The following KIAA1671 variants were observed in gnomAD, a reference collection of about 807,000 sequenced individuals.
The protein encoded by KIAA1671 is KIAA1671, also known as uncharacterized protein KIAA1671.
In KIAA1671, 52 loss-of-function variants were observed where a neutral mutation model predicts 131.2. The ratio of observed to expected loss-of-function variants is 0.40; its 90% CI spans 0.32 to 0.50. The LOEUF (loss-of-function observed/expected upper bound fraction) is 0.50, where lower values mean the gene tolerates loss of function less well. Ranked by LOEUF, KIAA1671 falls within the 20% of genes least tolerant of loss-of-function variation. The pLI is 0.73. For synonymous variants in KIAA1671, 1,003 were observed against 961.6 expected, an observed-to-expected ratio of 1.04 and a Z score of -0.80; for missense variants, 2,360 against 2,364.2, an observed-to-expected ratio of 1.00 and a Z score of 0.04.
At chr22:24,993,803 G>A (rs1923967090) in intron 1 of KIAA1671, among the ~76,000 whole-genome samples, 1 of 151,980 alleles carries the variant, frequency 6.6e-6, no homozygotes, top group Non-Finnish European at 1.5e-5. Context: ...AGTGCAGCCG[G>A]GTATGGTGGC....
chr22:24,985,431 C>CA (rs923718490), intron 1 of KIAA1671, among the ~76,000 whole-genome samples: 4 of 151,996 alleles, frequency 2.6e-5, no homozygotes, highest in African/African-American at 9.7e-5. Context: ...GCTCCGCCTC[C>CA]CGGGTTCACG....
At chr22:25,112,120 G>C (rs1931393753) in intron 6 of KIAA1671, 1 of 398,270 alleles carries the variant, frequency 2.5e-6, no homozygotes, top group South Asian at 1.4e-4. Flanking sequence ...GGACACTGGC[G>C]TTTTAATTGC....
chr22:24,976,989 G>A (rs974847153), intron 1 of KIAA1671, among the ~76,000 whole-genome samples: 4 of 152,116 alleles, frequency 2.6e-5, no homozygotes, highest in East Asian at 3.9e-4. Context: ...CCTGTGAAAC[G>A]CAGGGGAAGT....
At chr22:25,045,026 T>G (rs1191384030) in intron 5 of KIAA1671, among the ~76,000 whole-genome samples, 2 of 151,930 alleles carry the variant, frequency 1.3e-5, no homozygotes, top group Non-Finnish European at 2.9e-5. Context: ...CCGGGCACAG[T>G]GGCGGGCGCC....
At chr22:25,189,126 C>CTTTTTTTTTTTTTTTTTTTTTTTT (rs200226589) in intron 11 of KIAA1671, among the ~76,000 whole-genome samples, 26 of 114,870 alleles carry the variant, frequency 2.3e-4, no homozygotes, top group East Asian at 5.1e-4. Context: ...CAGTCTTTTT[C>CTTTTTTTTTTTTTTTTTTTTTTTT]TTTTTTTTTT....
chr22:25,055,658 C>T lies in KIAA1671; in HGVS notation c.4530+6294C>T, dbSNP rs1927790747. 2 of 150,090 alleles carry T rather than the reference C, an allele frequency of 1.3e-5. 1 individual carries two copies. Among genetic ancestry groups the T allele is most frequent in the Non-Finnish European group, 3.0e-5 (2 of 67,350 alleles). The allele number at this position is 150,090 out of a possible 1,614,324, so 9.3% of individuals were successfully genotyped here. On this transcript the variant is annotated intron_variant, in intron 6 of 12. Coordinates refer to ENST00000358431, the MANE Select transcript of KIAA1671 (RefSeq NM_001145206.2). ...TGACTAATGATTTTGAGTATCTGTT[C>T]ATATGCCAAATGACCAGTTGTATAT...
At chr22:25,094,761 C>T (rs1224583383) in intron 6 of KIAA1671, among the ~76,000 whole-genome samples, 1 of 152,110 alleles carries the variant, frequency 6.6e-6, no homozygotes, top group African/African-American at 2.4e-5. Context: ...GAGCCTGGCC[C>T]CAGGAGGTAC....
At chr22:24,989,078 C>T (rs1366976583) in intron 1 of KIAA1671, among the ~76,000 whole-genome samples, 1 of 152,126 alleles carries the variant, frequency 6.6e-6, no homozygotes, top group Non-Finnish European at 1.5e-5. Context: ...TTGAATCAAT[C>T]TTTTTTCAAG....
intron 9 of KIAA1671, chr22:25,179,361 T>G: frequency 2.5e-6 from 4 of 1,602,462 alleles, no homozygotes; most frequent in Non-Finnish European, 3.4e-6. Flanking sequence ...CTCGGCCGCG[T>G]GCAGCTCCTC....
intron 5 of KIAA1671, among the ~76,000 whole-genome samples, chr22:25,048,424 G>A (rs1266841579): frequency 1.3e-5 from 2 of 152,300 alleles, no homozygotes; most frequent in East Asian, 1.9e-4. Context: ...AAGAGCCAGG[G>A]GGTTAGGAGG....
rs544298694 is a variant in KIAA1671, at chr22:25,068,443, G to T, written c.4530+19079G>T. 2.7e-5 allele frequency among the ~76,000 whole-genome samples: 4 copies of T among 146,750 alleles called. No individual in the cohort carries two copies. The South Asian group carries it at 8.6e-4, about 32-fold the overall frequency. ...TCTCCTTGTTTTTTGTTTTTTTGTT[G>T]TTTTTTTTTTTGAGACAGAGCCTCA... On this transcript the variant is annotated intron_variant, in intron 6 of 12. Coordinates refer to ENST00000358431, the MANE Select transcript of KIAA1671 (RefSeq NM_001145206.2).
chr22:25,191,955 A>G (rs58715747), intron 12 of KIAA1671, among the ~76,000 whole-genome samples: 3,648 of 152,278 alleles, frequency 0.024, 119 homozygotes, highest in African/African-American at 0.079. Flanking sequence ...GGTGTTACAT[A>G]TGTATATATA....
chr22:25,117,679 G>A (rs919372053), intron 6 of KIAA1671, among the ~76,000 whole-genome samples: 8 of 149,724 alleles, frequency 5.3e-5, no homozygotes, highest in Non-Finnish European at 1.2e-4. Context: ...GCAAGGAAAG[G>A]ATGTATAGAA....
chr22:25,081,103 G>A (rs1929382270), intron 6 of KIAA1671, among the ~76,000 whole-genome samples: 1 of 152,218 alleles, frequency 6.6e-6, no homozygotes, highest in Non-Finnish European at 1.5e-5. Context: ...AGAAGCTTGG[G>A]AGGGCTGGAC....
At chr22:25,117,587 A>C (rs1393873337) in intron 6 of KIAA1671, among the ~76,000 whole-genome samples, 3 of 58,810 alleles carry the variant, frequency 5.1e-5, no homozygotes, top group Non-Finnish European at 1.1e-4. Context: ...TCCCCCAACC[A>C]CACACACACA....
chr22:24,965,610 G>A (rs1260382481), intron 1 of KIAA1671, among the ~76,000 whole-genome samples: 7 of 150,314 alleles, frequency 4.7e-5, no homozygotes, highest in African/African-American at 1.5e-4. Flanking sequence ...GCATGGTGGC[G>A]ACACCTGTAA....
chr22:25,107,901 G>C (rs1458182327), intron 6 of KIAA1671, among the ~76,000 whole-genome samples: 1 of 152,008 alleles, frequency 6.6e-6, no homozygotes, highest in Non-Finnish European at 1.5e-5. Context: ...CCAGATACTC[G>C]GGAGGCTGAA....
chr22:25,093,742 C>CTCTCTCTCTCTCTCTCTG (rs1930170728), intron 6 of KIAA1671, among the ~76,000 whole-genome samples: 1 of 118,482 alleles, frequency 8.4e-6, no homozygotes, highest in East Asian at 2.5e-4. Flanking sequence ...CACACACTCT[C>CTCTCTCTCTCTCTCTCTG]TCTCTCTCTC....
chr22:25,003,434 C>T (rs1305965292), intron 1 of KIAA1671, among the ~76,000 whole-genome samples: 11 of 108,730 alleles, frequency 1.0e-4, no homozygotes, highest in African/African-American at 4.0e-4. Flanking sequence ...TTTTTTGAGA[C>T]GGAGTCTTGC....
Sources: allele counts gnomAD v4.1 joint callset (sites outside exome capture counted in the v4.1 genomes callset), GRCh38; gene constraint gnomAD v4.1.1; transcripts MANE v1.5; gene names NCBI Gene and HGNC (gene_info 2026-07-23, HGNC 2026-07-21).